The following CDKL2 variants were observed in gnomAD, a reference collection of about 807,000 sequenced individuals.
The protein encoded by CDKL2 is cyclin dependent kinase like 2.
Under a neutral mutation model 63.9 loss-of-function variants are expected in CDKL2, and 64 were observed. The ratio of observed to expected loss-of-function variants is 1.00; its 90% CI spans 0.82 to 1.23. CDKL2 has a LOEUF of 1.23. CDKL2 is among the 50% of genes most tolerant of loss of function. The pLI, the probability that CDKL2 is intolerant of heterozygous loss-of-function variation, is 0.00. For synonymous variants in CDKL2, 211 were observed against 229.2 expected, an observed-to-expected ratio of 0.92 and a Z score of 0.72; for missense variants, 656 against 668.0, an observed-to-expected ratio of 0.98 and a Z score of 0.20.
chr4:75,618,983 TA>T (rs1730047240), intron 2 of CDKL2, among the ~76,000 whole-genome samples: 4 of 152,186 alleles, frequency 2.6e-5, no homozygotes, highest in Admixed American at 2.6e-4. Context: ...AGCAAATGAA[TA>T]TCACCTCTGG....
Position 75,586,835 on chromosome 4 carries a change from T to A in CDKL2, c.1648-4937A>T, listed in dbSNP as rs554877084. Among the ~76,000 whole-genome samples, 13 of 152,150 alleles carry A rather than the reference T, an allele frequency of 8.5e-5. No homozygotes were observed. The East Asian group carries it at 2.5e-3, about 29-fold the overall frequency. On this transcript the variant is annotated intron_variant, in intron 12 of 13. Coordinates refer to ENST00000307465, the MANE Select transcript of CDKL2 (RefSeq NM_001330724.2). Reference sequence around the variant, plus strand: ...AGGTAAAGCAGTGCTTAGAGGAAAATGTGTAGCTTTACATGCTTACATTAC... The same window carrying A: ...AGGTAAAGCAGTGCTTAGAGGAAAAAGTGTAGCTTTACATGCTTACATTAC...
At chr4:75,592,719 T>C (rs549660581) in intron 10 of CDKL2, among the ~76,000 whole-genome samples, 31 of 152,220 alleles carry the variant, frequency 2.0e-4, no homozygotes, top group Admixed American at 2.0e-3. Context: ...ACTTTCCCAA[T>C]ATAATTTTGT....
intron 1 of CDKL2, among the ~76,000 whole-genome samples, chr4:75,627,734 T>TC (rs57245139): frequency 3.6e-5 from 5 of 138,436 alleles, no homozygotes; most frequent in African/African-American, 8.0e-5. Flanking sequence ...TTTTTTTCTT[T>TC]TTTTTTTTTT....
intron 12 of CDKL2, among the ~76,000 whole-genome samples, chr4:75,582,323 G>A (rs1728297051): frequency 6.6e-6 from 1 of 152,194 alleles, no homozygotes; most frequent in South Asian, 2.1e-4. Context: ...ATTCTTAGCA[G>A]AGAAACAGAT....
chr4:75,578,090 A>T lies in CDKL2; in HGVS notation c.*1112T>A, dbSNP rs1285422603. 6.6e-6 allele frequency: 1 copy of T among 152,156 alleles called. No homozygotes were observed. The highest frequency in any genetic ancestry group is 1.5e-5 in the Non-Finnish European group (1 of 68,022). The allele number at this position is 152,156 out of a possible 1,614,324, so 9.4% of individuals were successfully genotyped here. ...CATGTGTAGAAACCCAGAAATCAAG[A>T]ACCTGTAGCCAACTTAGTTTATTCC... On this transcript the variant is annotated 3_prime_UTR_variant, in exon 14 of 14. Transcript: ENST00000307465.
At chr4:75,600,497 GC>G in intron 6 of CDKL2, 128 bp from the exon 7 acceptor site, 1 of 647,380 alleles carries the variant, frequency 1.5e-6, no homozygotes, top group Non-Finnish European at 2.7e-6. Context: ...TCACTCTGTT[GC>G]CCAGGCTAGA....
Position 75,591,902 on chromosome 4 carries a change from T to C in CDKL2, c.1564A>G (p.Lys522Glu). ...GIARNSRLTK[K>E]ESKILSESRI... ...GATTCTGAAAGAATTTTGCTCTCTT[T>C]CTTTGTTAGCCTGGAATTTCGAGCT... is the stretch of plus-strand genomic sequence containing the variant. Residue 522 changes from lysine (K) to glutamate (E), a missense_variant, in exon 12 of 14, where the codon AAA (lysine) becomes GAA (glutamate). Transcript: ENST00000307465. 6.5e-7 allele frequency: 1 copy of C among 1,535,982 alleles called. No homozygotes were observed. The highest frequency in any genetic ancestry group is 2.0e-5 in the Admixed American group (1 of 50,988).
At chr4:75,603,978 A>G in intron 5 of CDKL2, 22 bp from the exon 6 acceptor site, 1 of 1,592,510 alleles carries the variant, frequency 6.3e-7, no homozygotes, top group South Asian at 1.1e-5. Flanking sequence ...AACAGCACAT[A>G]TCTCTGTTAT....
intron 2 of CDKL2, among the ~76,000 whole-genome samples, chr4:75,625,389 G>T (rs1169112971): frequency 6.6e-6 from 1 of 151,994 alleles, no homozygotes; most frequent in Non-Finnish European, 1.5e-5. Context: ...AGAAAATATT[G>T]TTAACAATCA....
chr4:75,602,547 A>C (rs1729242655), intron 6 of CDKL2, among the ~76,000 whole-genome samples: 1 of 151,698 alleles, frequency 6.6e-6, no homozygotes, highest in Admixed American at 6.6e-5. Flanking sequence ...TTAAAGAGAG[A>C]GTTTCACTCT....
chr4:75,598,158 TAAAG>T lies in CDKL2; in HGVS notation c.935_938del (p.Ser312TyrfsTer18), dbSNP rs1729024956. On this transcript the variant is annotated frameshift_variant, in exon 8 of 14. Transcript: ENST00000307465. LOFTEE classifies it high-confidence loss of function. ...TCTTTCTGTTTTGGGATTTTTTAGA[TAAAG>T]AAACATTTCTGGCATCTTTCTGTAC... The T allele has an allele frequency of 5.2e-6, 8 of 1,540,022 alleles. No individual in the cohort carries two copies. The highest frequency in any genetic ancestry group is 3.6e-5 in the Admixed American group (2 of 55,890).
rs555510569 is a variant in CDKL2 at position 75,608,855 on chromosome 4, G to A, written c.364-1494C>T. Among the ~76,000 whole-genome samples the A allele has an allele frequency of 7.2e-5, 11 of 152,202 alleles. No individual in the cohort carries two copies. The East Asian group carries it at 9.7e-4, about 13-fold the overall frequency. On this transcript the variant is annotated intron_variant, in intron 3 of 13. Coordinates refer to ENST00000307465, the MANE Select transcript of CDKL2 (RefSeq NM_001330724.2). ...CTAAAATACAAAAAAGTAGCTGGGC[G>A]TGCTGGCACGCGCTTGTAATCCCAG...
chr4:75,614,419 A>G lies in CDKL2; in HGVS notation c.199T>C (p.Leu67=), dbSNP rs1729839024. The G allele has an allele frequency of 3.2e-6, 5 of 1,570,242 alleles. No homozygotes were observed. The highest frequency in any genetic ancestry group is 4.3e-6 in the Non-Finnish European group (5 of 1,154,530). ...CGTTTTTTTTTCTTACACACTTCCA[A>G]GAGATTCACCAAGTTTTCATGCCTA... ...QLRHENLVNL[L]EVCKKKKRWY... is the part of the protein sequence containing the mutation. Residue 67 remains leucine (L), a synonymous_variant, in exon 3 of 14, where the codon TTG becomes CTG. Coordinates refer to ENST00000307465, the MANE Select transcript of CDKL2 (RefSeq NM_001330724.2).
Position 75,591,904 on chromosome 4 carries a change from TTTG to T in CDKL2, c.1559_1561del (p.Thr520del), listed in dbSNP as rs1728730349. On this transcript the variant is annotated inframe_deletion, in exon 12 of 14. Coordinates refer to ENST00000307465, the MANE Select transcript of CDKL2 (RefSeq NM_001330724.2). ...TTCTGAAAGAATTTTGCTCTCTTTC[TTTG>T]TTAGCCTGGAATTTCGAGCTAGATA... 6.5e-7 allele frequency: 1 copy of T among 1,535,818 alleles called. No homozygotes were observed. Among genetic ancestry groups the T allele is most frequent in the Admixed American group, 2.0e-5 (1 of 50,960 alleles).
intron 6 of CDKL2, 48 bp from the exon 7 acceptor site, chr4:75,600,417 C>T (rs1729132486): frequency 8.7e-7 from 1 of 1,150,976 alleles, no homozygotes; most frequent in East Asian, 2.4e-5. Context: ...AAACTACCTA[C>T]ATTTAAATTT....
chr4:75,591,315 G>A (rs1032715897), intron 12 of CDKL2, among the ~76,000 whole-genome samples: 2 of 152,156 alleles, frequency 1.3e-5, no homozygotes, highest in Non-Finnish European at 2.9e-5. Flanking sequence ...TGGATTACTG[G>A]CCAGGAGCCA....
intron 1 of CDKL2, among the ~76,000 whole-genome samples, chr4:75,626,583 C>T (rs11729174): frequency 0.21 from 31,344 of 150,860 alleles, 3,263 homozygotes; most frequent in South Asian, 0.36. Context: ...AGGAGAATGG[C>T]GTGAACCCGG....
In CDKL2 at chr4:75,597,231, G is replaced by T; in HGVS notation, c.1026C>A (p.Thr342=). ...AATCCTTAATTTTGGGATCAGCATT[G>T]GTATCCTGATCATTAACAAAAATAT... is the stretch of plus-strand genomic sequence containing the variant. ...EERKTLVVQD[T]NADPKIKDYK... The change falls in exon 9 of 14, where the codon ACC becomes ACA. Residue 342 remains threonine (T), a synonymous_variant. Transcript: ENST00000307465. 1 of 1,577,156 alleles carries T rather than the reference G, an allele frequency of 6.3e-7. No individual in the cohort carries two copies. The highest frequency in any genetic ancestry group is 8.7e-7 in the Non-Finnish European group (1 of 1,151,118).
At chr4:75,590,909 A>G (rs1044702866) in intron 12 of CDKL2, among the ~76,000 whole-genome samples, 4 of 152,260 alleles carry the variant, frequency 2.6e-5, no homozygotes, top group Non-Finnish European at 1.5e-5. Context: ...TACAATGTCC[A>G]TAGCCAAAGT....
Sources: allele counts gnomAD v4.1 joint callset (sites outside exome capture counted in the v4.1 genomes callset), GRCh38; gene constraint gnomAD v4.1.1; transcripts MANE v1.5; gene names NCBI Gene and HGNC (gene_info 2026-07-23, HGNC 2026-07-21).